ENOX1: variants seen among roughly 807,000 people sequenced by gnomAD.
The protein encoded by ENOX1 is candidate growth-related and time keeping constitutive hydroquinone (NADH) oxidase.
Under a neutral mutation model 82.5 loss-of-function variants are expected in ENOX1, and 42 were observed. The ratio of observed to expected loss-of-function variants is 0.51; its 90% CI spans 0.40 to 0.66. The LOEUF (loss-of-function observed/expected upper bound fraction) is 0.66, where lower values mean the gene tolerates loss of function less well. Ranked by LOEUF, ENOX1 falls within the 30% of genes least tolerant of loss-of-function variation. ENOX1 has a pLI of 0.00. For synonymous variants in ENOX1, 271 were observed against 282.2 expected, an observed-to-expected ratio of 0.96 and a Z score of 0.40; for missense variants, 608 against 811.6, an observed-to-expected ratio of 0.75 and a Z score of 3.05.
chr13:43,661,103 A>C (rs1403524459), intron 2 of ENOX1, among the ~76,000 whole-genome samples: 1 of 152,222 alleles, frequency 6.6e-6, no homozygotes, highest in Non-Finnish European at 1.5e-5. Context: ...AGAAAATACC[A>C]TTATTACTTA....
chr13:43,370,551 C>T (rs1017785030), intron 5 of ENOX1, among the ~76,000 whole-genome samples: 2 of 152,148 alleles, frequency 1.3e-5, no homozygotes, highest in Admixed American at 1.3e-4. Flanking sequence ...TTTCCCTGCT[C>T]CCTCTCACTC....
chr13:43,318,372 T>C (rs1437320968), intron 11 of ENOX1, among the ~76,000 whole-genome samples: 1 of 152,212 alleles, frequency 6.6e-6, no homozygotes, highest in Non-Finnish European at 1.5e-5. Flanking sequence ...AAATGAGTCT[T>C]ACACCCTAGA....
intron 12 of ENOX1, among the ~76,000 whole-genome samples, chr13:43,275,365 C>A (rs1351234070): frequency 6.6e-6 from 1 of 152,130 alleles, no homozygotes; most frequent in Non-Finnish European, 1.5e-5. Context: ...GATGACAGTG[C>A]AAATACCCTA....
intron 1 of ENOX1, among the ~76,000 whole-genome samples, chr13:43,710,723 GAATC>G (rs1239124725): frequency 6.6e-6 from 1 of 152,032 alleles, no homozygotes; most frequent in Non-Finnish European, 1.5e-5. Context: ...AGAATTAACA[GAATC>G]AATACAAAAG....
intron 5 of ENOX1, among the ~76,000 whole-genome samples, chr13:43,364,621 A>C (rs2050732199): frequency 6.6e-6 from 1 of 152,234 alleles, no homozygotes; most frequent in African/African-American, 2.4e-5. Flanking sequence ...ATTTTTCAGA[A>C]GGCAGGTTGG....
At chr13:43,398,801 TTC>T (rs1300285898) in intron 5 of ENOX1, among the ~76,000 whole-genome samples, 4 of 128,652 alleles carry the variant, frequency 3.1e-5, no homozygotes, top group South Asian at 5.4e-4. Flanking sequence ...TCATTTCTTC[TTC>T]TTTTTTTTTT....
chr13:43,549,159 G>A (rs1190864634), intron 2 of ENOX1, among the ~76,000 whole-genome samples: 1 of 152,178 alleles, frequency 6.6e-6, no homozygotes, highest in Non-Finnish European at 1.5e-5. Context: ...AAAATTTATG[G>A]AATTAGACTG....
intron 2 of ENOX1, among the ~76,000 whole-genome samples, chr13:43,627,208 G>T (rs1247326697): frequency 1.3e-5 from 2 of 151,840 alleles, no homozygotes; most frequent in Non-Finnish European, 2.9e-5. Flanking sequence ...GCATACAGTT[G>T]GTTCATGTTT....
At chr13:43,244,488 CTA>C (rs1180322541) in intron 14 of ENOX1, among the ~76,000 whole-genome samples, 2 of 152,106 alleles carry the variant, frequency 1.3e-5, no homozygotes, top group African/African-American at 2.4e-5. Context: ...TCTATTTTCT[CTA>C]TTTTTCTGTC....
chr13:43,682,566 T>A (rs1284377700), intron 1 of ENOX1, among the ~76,000 whole-genome samples: 1 of 152,072 alleles, frequency 6.6e-6, no homozygotes, highest in Middle Eastern at 3.2e-3. Flanking sequence ...TAGTTACCAT[T>A]CTCATTCATA....
intron 12 of ENOX1, among the ~76,000 whole-genome samples, chr13:43,279,641 G>C (rs1257258801): frequency 6.6e-6 from 1 of 152,198 alleles, no homozygotes; most frequent in Non-Finnish European, 1.5e-5. Context: ...GATATTGTAT[G>C]ACTAAAGAAC....
intron 1 of ENOX1, among the ~76,000 whole-genome samples, chr13:43,705,969 C>G (rs774127808): frequency 5.5e-4 from 84 of 151,844 alleles, no homozygotes; most frequent in Non-Finnish European, 1.1e-3. Context: ...AATATGTTTC[C>G]TGTCTACAAA....
At chr13:43,714,173 C>G (rs950100349) in intron 1 of ENOX1, among the ~76,000 whole-genome samples, 2 of 151,662 alleles carry the variant, frequency 1.3e-5, no homozygotes, top group South Asian at 2.1e-4. Flanking sequence ...CGTTATATAC[C>G]CAGTAGTCAT....
intron 2 of ENOX1, among the ~76,000 whole-genome samples, chr13:43,643,189 T>C (rs183019297): frequency 6.6e-6 from 1 of 152,332 alleles, no homozygotes; most frequent in Admixed American, 6.5e-5. Flanking sequence ...ATTCAGAAAC[T>C]TCACCTCTTA....
At chr13:43,397,165 A>C (rs374662479) in intron 5 of ENOX1, among the ~76,000 whole-genome samples, 3 of 152,364 alleles carry the variant, frequency 2.0e-5, no homozygotes, top group African/African-American at 7.2e-5. Flanking sequence ...GAAAATTCAG[A>C]CAAGGATGAA....
chr13:43,346,639 T>C (rs1172787393), intron 8 of ENOX1, among the ~76,000 whole-genome samples: 2 of 152,228 alleles, frequency 1.3e-5, no homozygotes, highest in Non-Finnish European at 2.9e-5. Flanking sequence ...TCTCATTTCA[T>C]GGACCGAAGC....
intron 2 of ENOX1, among the ~76,000 whole-genome samples, chr13:43,659,760 TTTAGG>T (rs1202936371): frequency 6.6e-6 from 1 of 152,078 alleles, no homozygotes; most frequent in African/African-American, 2.4e-5. Flanking sequence ...GAGTTCTATT[TTTAGG>T]TTAGAGTCCC....
At chr13:43,524,344 C>A (rs1303164921) in intron 2 of ENOX1, among the ~76,000 whole-genome samples, 1 of 152,138 alleles carries the variant, frequency 6.6e-6, no homozygotes, top group Non-Finnish European at 1.5e-5. Context: ...ACCTCACACA[C>A]GTGTTCCTCT....
At chr13:43,694,564 G>C (rs1172657040) in intron 1 of ENOX1, among the ~76,000 whole-genome samples, 11 of 152,196 alleles carry the variant, frequency 7.2e-5, no homozygotes. Context: ...AGAAGTAAAT[G>C]AGTGAGTCGT....
Sources: gnomAD v4.1 joint callset for allele counts (sites outside exome capture counted in the v4.1 genomes callset) on GRCh38, gnomAD v4.1.1 for gene constraint, MANE v1.5 for transcripts, NCBI Gene and HGNC (gene_info 2026-07-23, HGNC 2026-07-21) for gene names.